The following PTPRD variants were observed in gnomAD, a reference collection of about 807,000 sequenced individuals.
The protein encoded by PTPRD is receptor-type tyrosine-protein phosphatase delta.
A neutral mutation model predicts 214.5 loss-of-function variants in PTPRD; 34 were observed. The observed-to-expected ratio is 0.16, with a 90% confidence interval of 0.12 to 0.21. PTPRD has a LOEUF of 0.21. Among genes scored for constraint, PTPRD ranks in the 10% least tolerant of loss-of-function variants. PTPRD has a pLI of 1.00. For synonymous variants in PTPRD, 1,128 were observed against 845.7 expected (o/e 1.33, Z -5.79); for missense variants, 2,545 against 2,398.7 (o/e 1.06, Z -1.27).
At chr9:10,515,303 C>G (rs2049682796) in intron 2 of PTPRD, among the ~76,000 whole-genome samples, 1 of 151,926 alleles carries the variant, frequency 6.6e-6, no homozygotes, top group Non-Finnish European at 1.5e-5. Context: ...TGCTCCATGT[C>G]TTTTGAAAAA....
chr9:10,593,182 G>T (rs1391665864), intron 2 of PTPRD, among the ~76,000 whole-genome samples: 4 of 151,992 alleles, frequency 2.6e-5, no homozygotes, highest in African/African-American at 9.7e-5. Context: ...CTAAAGCAGT[G>T]CCTCTTAAAC....
intron 11 of PTPRD, among the ~76,000 whole-genome samples, chr9:8,810,504 T>A (rs1021347313): frequency 6.6e-6 from 1 of 152,092 alleles, no homozygotes. Context: ...AAAGTTCAGA[T>A]CACCTCATTT....
chr9:8,951,842 C>T (rs1406419332), intron 11 of PTPRD, among the ~76,000 whole-genome samples: 1 of 151,988 alleles, frequency 6.6e-6, no homozygotes, highest in Admixed American at 6.6e-5. Context: ...ACTCTCCATT[C>T]ACACAGCAGT....
chr9:10,273,159 C>A (rs765197308), intron 3 of PTPRD, among the ~76,000 whole-genome samples: 1 of 152,130 alleles, frequency 6.6e-6, no homozygotes, highest in Non-Finnish European at 1.5e-5. Context: ...CATAATCCCA[C>A]AAGGGAATAT....
intron 35 of PTPRD, among the ~76,000 whole-genome samples, chr9:8,412,900 AG>A (rs1404693293): frequency 1.3e-5 from 2 of 152,218 alleles, no homozygotes; most frequent in African/African-American, 4.8e-5. Context: ...TTCATATAAT[AG>A]AAACTTGACC....
chr9:8,626,628 C>A (rs948967566), intron 14 of PTPRD, among the ~76,000 whole-genome samples: 5 of 151,738 alleles, frequency 3.3e-5, no homozygotes, highest in Non-Finnish European at 5.9e-5. Context: ...ATGTGGGCAA[C>A]CCTTATCCAA....
chr9:9,374,225 G>T (rs567829835), intron 9 of PTPRD, among the ~76,000 whole-genome samples: 1 of 152,050 alleles, frequency 6.6e-6, no homozygotes, highest in East Asian at 1.9e-4. Flanking sequence ...CTAGATAGCT[G>T]CCAAGGGGGA....
chr9:9,365,187 T>C (rs751763627), intron 9 of PTPRD, among the ~76,000 whole-genome samples: 22 of 151,512 alleles, frequency 1.5e-4, no homozygotes, highest in Admixed American at 4.6e-4. Flanking sequence ...CTTTTTAAAA[T>C]TGTTCTATGT....
chr9:9,890,030 G>A (rs928653122), intron 5 of PTPRD, among the ~76,000 whole-genome samples: 1 of 152,032 alleles, frequency 6.6e-6, no homozygotes. Flanking sequence ...TCCCAAAGAG[G>A]CATGGATTTC....
intron 14 of PTPRD, among the ~76,000 whole-genome samples, chr9:8,550,119 T>C (rs2081562542): frequency 6.6e-6 from 1 of 152,174 alleles, no homozygotes; most frequent in Non-Finnish European, 1.5e-5. Context: ...CCCAAGAATT[T>C]GAAAAATTTA....
chr9:10,216,417 T>C (rs1397235790), intron 3 of PTPRD, among the ~76,000 whole-genome samples: 1 of 151,984 alleles, frequency 6.6e-6, no homozygotes, highest in Non-Finnish European at 1.5e-5. Context: ...ATAGCTTATA[T>C]ACAGTCTTTA....
chr9:10,048,745 A>T (rs185028310), intron 3 of PTPRD, among the ~76,000 whole-genome samples: 1 of 152,208 alleles, frequency 6.6e-6, no homozygotes, highest in Non-Finnish European at 1.5e-5. Flanking sequence ...CCAGAAAACT[A>T]ACGTTGACCA....
intron 23 of PTPRD, among the ~76,000 whole-genome samples, chr9:8,502,433 C>A (rs2097430475): frequency 6.6e-6 from 1 of 152,000 alleles, no homozygotes; most frequent in Non-Finnish European, 1.5e-5. Flanking sequence ...GATTATCAGT[C>A]TTTCTTAATG....
chr9:9,561,921 T>G (rs1298374942), intron 8 of PTPRD, among the ~76,000 whole-genome samples: 1 of 152,202 alleles, frequency 6.6e-6, no homozygotes, highest in Non-Finnish European at 1.5e-5. Flanking sequence ...TTAAGGATTT[T>G]TCTCTCATTT....
intron 5 of PTPRD, among the ~76,000 whole-genome samples, chr9:9,872,425 C>T (rs983264940): frequency 6.6e-6 from 1 of 152,090 alleles, no homozygotes; most frequent in Non-Finnish European, 1.5e-5. Flanking sequence ...CATAGTGAGA[C>T]CCTGTCTCTA....
At chr9:8,823,043 TA>T (rs1264354922) in intron 11 of PTPRD, among the ~76,000 whole-genome samples, 2 of 152,176 alleles carry the variant, frequency 1.3e-5, no homozygotes, top group Non-Finnish European at 2.9e-5. Flanking sequence ...GAGGATCTAG[TA>T]AGACATTTAA....
chr9:9,076,407 G>C lies in PTPRD; in HGVS notation c.-142-57672C>G, dbSNP rs116880854. Among the ~76,000 whole-genome samples, 28 of 151,840 alleles carry C rather than the reference G, an allele frequency of 1.8e-4. No homozygotes were observed. The East Asian group carries it at 5.2e-3, about 28-fold the overall frequency. On this transcript the variant is annotated intron_variant, in intron 10 of 45. Transcript: ENST00000381196. The stretch of plus-strand genomic sequence containing the variant: ...GCTCTTTAGTTTAATTAGTGTAAGT[G>C]TTATTTTTGTACCCATTAACCGTCC...
intron 8 of PTPRD, among the ~76,000 whole-genome samples, chr9:9,453,811 G>T (rs150927103): frequency 6.6e-6 from 1 of 151,624 alleles, no homozygotes; most frequent in Non-Finnish European, 1.5e-5. Context: ...AAGCCCATAA[G>T]GAGATATAAG....
intron 3 of PTPRD, among the ~76,000 whole-genome samples, chr9:10,174,667 C>G (rs567126345): frequency 2.6e-5 from 4 of 151,328 alleles, no homozygotes; most frequent in Admixed American, 2.6e-4. Flanking sequence ...TGTATTTCCC[C>G]AAAAAAAGTG....
Sources: allele counts gnomAD v4.1 joint callset (sites outside exome capture counted in the v4.1 genomes callset), GRCh38; gene constraint gnomAD v4.1.1; transcripts MANE v1.5; gene names NCBI Gene and HGNC (gene_info 2026-07-23, HGNC 2026-07-21).